PPM1A: variants seen among roughly 807,000 people sequenced by gnomAD.
PPM1A encodes protein phosphatase, Mg2+/Mn2+ dependent 1A.
A neutral mutation model predicts 35.0 loss-of-function variants in PPM1A; 7 were observed. The observed-to-expected ratio is 0.20, with a 90% CI of 0.11 to 0.38. PPM1A has a LOEUF of 0.38. Ranked by LOEUF, PPM1A falls within the 10% of genes least tolerant of loss-of-function variation. The pLI is 1.00. For missense variants in PPM1A, 239 were observed against 467.8 expected (o/e 0.51, Z 4.51); for synonymous variants, 153 against 167.3 (o/e 0.91, Z 0.66).
At chr14:60,263,226 A>G (rs1883972211) in intron 1 of PPM1A, among the ~76,000 whole-genome samples, 1 of 152,128 alleles carries the variant, frequency 6.6e-6, no homozygotes, top group Non-Finnish European at 1.5e-5. Flanking sequence ...CAAAAAAAAA[A>G]GTTCCTGGGC....
intron 1 of PPM1A, among the ~76,000 whole-genome samples, chr14:60,258,473 CCCTT>C (rs1428892580): frequency 5.9e-5 from 9 of 152,070 alleles, no homozygotes; most frequent in Admixed American, 1.3e-4. Context: ...CTCTTTTGTT[CCCTT>C]CCTTATGTGC....
chr14:60,255,332 C>T (rs1395526886), intron 1 of PPM1A, among the ~76,000 whole-genome samples: 6 of 150,770 alleles, frequency 4.0e-5, no homozygotes, highest in South Asian at 2.1e-4. Context: ...CTACCACGCC[C>T]GGCTAATTTT....
At chr14:60,260,244 A>G (rs923027390) in intron 1 of PPM1A, among the ~76,000 whole-genome samples, 6 of 152,122 alleles carry the variant, frequency 3.9e-5, no homozygotes, top group African/African-American at 1.4e-4. Flanking sequence ...ATTGAACTCA[A>G]TAACAGTTCA....
chr14:60,268,439 A>T (rs1018913877), intron 1 of PPM1A: 1 of 954,184 alleles, frequency 1.0e-6, no homozygotes, highest in Non-Finnish European at 1.2e-6. Context: ...TTGTGAGGTG[A>T]GTATAGCCTG....
rs79077687 is a variant in PPM1A at position 60,283,210 on chromosome 14, G to A, written c.507G>A (p.Pro169=). ...CACAAGATCACAAACCAAGTAATCCGCTGGAGAAAGAACGAATTCAGAATG... is the reference window on the plus strand; with the variant it reads ...CACAAGATCACAAACCAAGTAATCCACTGGAGAAAGAACGAATTCAGAATG... ...FFTQDHKPSN[P]LEKERIQNAG... The change falls in exon 2 of 6, where the codon CCG becomes CCA. Residue 169 remains proline (P), a synonymous_variant. Transcript: ENST00000395076. The surrounding 1 kb of genome is among the most constrained non-coding windows in gnomAD (Gnocchi z 6.3). 7.8e-4 allele frequency: 1,260 copies of A among 1,614,180 alleles called. 7 individuals are homozygous for A. The African/African-American group carries it at 0.014, about 18-fold the overall frequency.
chr14:60,276,184 A>G (rs747024489), intron 1 of PPM1A, among the ~76,000 whole-genome samples: 16 of 152,212 alleles, frequency 1.1e-4, no homozygotes, highest in Non-Finnish European at 2.1e-4. Flanking sequence ...AGCAATGTAG[A>G]ATATAAAGAT....
In PPM1A at chr14:60,295,180, G is replaced by A. The variant is rs571409117; in HGVS notation, c.*2698G>A. ...CTTTTATCATTTAAATGTCTTATTT[G>A]CTGCTATGAATAGGAAATAACATTT... On this transcript the variant is annotated 3_prime_UTR_variant, in exon 6 of 6. Coordinates refer to ENST00000395076, the MANE Select transcript of PPM1A (RefSeq NM_021003.5). 1.3e-5 allele frequency: 2 copies of A among 151,766 alleles called. No individual in the cohort carries two copies. Among genetic ancestry groups the A allele is most frequent in the South Asian group, 4.1e-4 (2 of 4,820 alleles). 9.4% of individuals were successfully genotyped at this position (151,766 alleles called of 1,614,324 possible). A position where few individuals can be genotyped will look rare whatever the true frequency, so the allele number is the denominator to read the frequency against.
upstream of PPM1A, among the ~76,000 whole-genome samples, chr14:60,246,375 T>C (rs182780348): frequency 2.6e-5 from 4 of 152,218 alleles, no homozygotes; most frequent in African/African-American, 9.7e-5. Context: ...TCCCAATTAC[T>C]AGGCTATCAA....
chr14:60,296,765 A>T lies in PPM1A; in HGVS notation c.*4283A>T, dbSNP rs895153571. Reference sequence around the variant, plus strand: ...TTTGTTGATCAGAATAATAAGTCTCAGTTAAATGTTTGTTATTACTGATAG... The same window carrying T: ...TTTGTTGATCAGAATAATAAGTCTCTGTTAAATGTTTGTTATTACTGATAG... On this transcript the variant is annotated 3_prime_UTR_variant, in exon 6 of 6. Coordinates refer to ENST00000395076, the MANE Select transcript of PPM1A (RefSeq NM_021003.5). This position sits in a 1 kb window ranked among gnomAD's most constrained non-coding sequence, Gnocchi z 4.4. 1 of 342,106 alleles carries T rather than the reference A, an allele frequency of 2.9e-6. No individual in the cohort carries two copies. The highest frequency in any genetic ancestry group is 4.9e-5 in the Admixed American group (1 of 20,366). The allele number at this position is 342,106 out of a possible 1,614,324, so 21.2% of individuals were successfully genotyped here.
At chr14:60,275,844 C>CTTTTT (rs531960264) in intron 1 of PPM1A, among the ~76,000 whole-genome samples, 2 of 130,460 alleles carry the variant, frequency 1.5e-5, no homozygotes, top group Admixed American at 7.7e-5. Flanking sequence ...AAAGATTAGC[C>CTTTTT]TTTTTTTTTT....
rs548654793 is a variant in PPM1A, at chr14:60,294,203, G to A, written c.*1721G>A. ...AGTAGTGGGGAAAGTAATGTGAAAT[G>A]TCTCAGATTTAAGTAGTTAAATACC... is the stretch of plus-strand genomic sequence containing the variant. On this transcript the variant is annotated 3_prime_UTR_variant, in exon 6 of 6. Transcript: ENST00000395076. The A allele has an allele frequency of 6.6e-6, 1 of 151,926 alleles. No homozygotes were observed. Among genetic ancestry groups the A allele is most frequent in the East Asian group, 1.9e-4 (1 of 5,188 alleles). The allele number at this position is 151,926 out of a possible 1,614,324, so 9.4% of individuals were successfully genotyped here. A position where few individuals can be genotyped will look rare whatever the true frequency, so the allele number is the denominator to read the frequency against.
chr14:60,264,520 A>C (rs1004748086), intron 1 of PPM1A, among the ~76,000 whole-genome samples: 1 of 152,104 alleles, frequency 6.6e-6, no homozygotes, highest in Non-Finnish European at 1.5e-5. Context: ...TATTTGTTTT[A>C]TTTTGCCATA....
At chr14:60,258,936 A>G (rs1883442688) in intron 1 of PPM1A, among the ~76,000 whole-genome samples, 1 of 152,144 alleles carries the variant, frequency 6.6e-6, no homozygotes, top group Non-Finnish European at 1.5e-5. Context: ...CTATGAGCTT[A>G]TGACTAAGGA....
chr14:60,288,794 A>G (rs1371697753), intron 3 of PPM1A, among the ~76,000 whole-genome samples: 1 of 152,106 alleles, frequency 6.6e-6, no homozygotes, highest in Non-Finnish European at 1.5e-5. Flanking sequence ...TTCTTGCCCC[A>G]CTAATGACAA....
Position 60,294,921 on chromosome 14 carries a change from G to C in PPM1A, c.*2439G>C, listed in dbSNP as rs191660467. 41 of 151,880 alleles carry C rather than the reference G, an allele frequency of 2.7e-4. No individual in the cohort carries two copies. Among genetic ancestry groups the C allele is most frequent in the African/African-American group, 8.7e-4 (36 of 41,496 alleles). The allele number at this position is 151,880 out of a possible 1,614,324, so 9.4% of individuals were successfully genotyped here. The stretch of plus-strand genomic sequence containing the variant: ...GAAGTATACATTATAACAGCAGACT[G>C]TGTGTGTTCCTGATTCCTGGAGGTA... On this transcript the variant is annotated 3_prime_UTR_variant, in exon 6 of 6. Coordinates refer to ENST00000395076, the MANE Select transcript of PPM1A (RefSeq NM_021003.5).
chr14:60,269,612 G>T (rs570634066), intron 1 of PPM1A, among the ~76,000 whole-genome samples: 1 of 151,990 alleles, frequency 6.6e-6, no homozygotes, highest in East Asian at 1.9e-4. Flanking sequence ...GCAATGGTGC[G>T]ATCTAGGCTC....
chr14:60,253,996 G>C (rs1882750576), intron 1 of PPM1A, among the ~76,000 whole-genome samples: 1 of 152,082 alleles, frequency 6.6e-6, no homozygotes. Flanking sequence ...AAATACTTTT[G>C]TCGTAAGGTT....
chr14:60,270,797 A>G (rs1316441665), intron 1 of PPM1A, among the ~76,000 whole-genome samples: 1 of 152,110 alleles, frequency 6.6e-6, no homozygotes, highest in Non-Finnish European at 1.5e-5. Context: ...TTAACCTGTT[A>G]CAGGTAAGAA....
At chr14:60,254,210 A>G (rs1473162164) in intron 1 of PPM1A, among the ~76,000 whole-genome samples, 1 of 152,180 alleles carries the variant, frequency 6.6e-6, no homozygotes, top group Non-Finnish European at 1.5e-5. Flanking sequence ...GAGATTGAGT[A>G]GAGAATTTAG....
Sources: gnomAD v4.1 joint callset for allele counts (sites outside exome capture counted in the v4.1 genomes callset) on GRCh38, gnomAD v4.1.1 for gene constraint, Gnocchi (gnomAD v3.1) non-coding constraint, MANE v1.5 for transcripts, NCBI Gene and HGNC (gene_info 2026-07-23, HGNC 2026-07-21) for gene names.